R3HDM1: variants seen among roughly 807,000 people sequenced by gnomAD.
R3HDM1 encodes the protein R3H domain containing 1.
In R3HDM1, 46 loss-of-function variants were observed where a neutral mutation model predicts 141.1. That is an observed-to-expected ratio of 0.33 (90% CI 0.26 to 0.42). R3HDM1 has a LOEUF of 0.42. R3HDM1 is among the 10% of genes least tolerant of loss of function. R3HDM1 has a pLI of 1.00. For missense variants in R3HDM1, 1,184 were observed against 1,368.3 expected (o/e 0.87, Z 2.12); for synonymous variants, 435 against 472.9 (o/e 0.92, Z 1.04).
intron 1 of R3HDM1, among the ~76,000 whole-genome samples, chr2:135,587,932 C>A (rs981810636): frequency 2.0e-5 from 3 of 151,956 alleles, no homozygotes; most frequent in African/African-American, 7.3e-5. Flanking sequence ...CCCCCTCTCC[C>A]TCTACATTTG....
chr2:135,536,564 A>T (rs1012681386), intron 1 of R3HDM1: 9 of 921,268 alleles, frequency 9.8e-6, no homozygotes, highest in Non-Finnish European at 1.2e-5. Context: ...GAGAAAATAA[A>T]CTACATTTGT....
intron 9 of R3HDM1, among the ~76,000 whole-genome samples, chr2:135,635,374 A>G (rs1325205991): frequency 6.6e-6 from 1 of 152,156 alleles, no homozygotes; most frequent in Non-Finnish European, 1.5e-5. Flanking sequence ...AGCTCCAACT[A>G]TGGCTTAATC....
At chr2:135,606,617 G>A (rs1480958020) in intron 3 of R3HDM1, 1 of 151,590 alleles carries the variant, frequency 6.6e-6, no homozygotes, top group Admixed American at 6.6e-5. Flanking sequence ...CAAAAAATTA[G>A]CCAGGCATGG....
intron 21 of R3HDM1, among the ~76,000 whole-genome samples, chr2:135,700,611 C>A (rs2105408356): frequency 6.6e-6 from 1 of 152,304 alleles, no homozygotes; most frequent in African/African-American, 2.4e-5. Flanking sequence ...TTCTAGTAGT[C>A]ACTAAAAGCT....
At chr2:135,619,021 CAAA>C (rs34537777) in intron 5 of R3HDM1, among the ~76,000 whole-genome samples, 7 of 112,246 alleles carry the variant, frequency 6.2e-5, no homozygotes, top group Admixed American at 1.9e-4. Context: ...ACTCTTATCT[CAAA>C]AAAAAAAAAA....
chr2:135,573,610 AG>A (rs955404379), intron 1 of R3HDM1, among the ~76,000 whole-genome samples: 3 of 152,092 alleles, frequency 2.0e-5, no homozygotes, highest in African/African-American at 7.2e-5. Flanking sequence ...TACAATCTGA[AG>A]AGGCAGTCTT....
chr2:135,566,821 A>C, intron 1 of R3HDM1: 1 of 954,296 alleles, frequency 1.0e-6, no homozygotes, highest in Non-Finnish European at 1.2e-6. Flanking sequence ...AAAAATACGA[A>C]AATTAGCCAG....
chr2:135,535,426 G>T (rs1316376616), intron 1 of R3HDM1, among the ~76,000 whole-genome samples: 1 of 151,930 alleles, frequency 6.6e-6, no homozygotes. Flanking sequence ...TTGAACTCAG[G>T]AGGTGGAGGT....
At chr2:135,705,711 A>AT (rs573813934) in intron 21 of R3HDM1, among the ~76,000 whole-genome samples, 494 of 152,222 alleles carry the variant, frequency 3.2e-3, no homozygotes, top group African/African-American at 9.8e-3. Context: ...TATATTTGTC[A>AT]TTTTTTTTAT....
chr2:135,585,653 T>G (rs1185797854), intron 1 of R3HDM1, among the ~76,000 whole-genome samples: 1 of 152,362 alleles, frequency 6.6e-6, no homozygotes, highest in East Asian at 1.9e-4. Flanking sequence ...CTTATAATTA[T>G]TAAACATTGT....
At chr2:135,662,554 T>C (rs1387782765) in intron 19 of R3HDM1, among the ~76,000 whole-genome samples, 2 of 152,224 alleles carry the variant, frequency 1.3e-5, no homozygotes, top group African/African-American at 4.8e-5. Context: ...AGCCTTGTAT[T>C]GTACATGTGA....
intron 1 of R3HDM1, among the ~76,000 whole-genome samples, chr2:135,542,348 A>G (rs1697781189): frequency 6.6e-6 from 1 of 152,234 alleles, no homozygotes. Flanking sequence ...ATTTTTACTA[A>G]GCCATGTTCA....
At chr2:135,650,334 A>G in intron 17 of R3HDM1, 1 of 985,278 alleles carries the variant, frequency 1.0e-6, no homozygotes. Flanking sequence ...GGCAGCTTTC[A>G]TCTGGGTTTA....
At chr2:135,636,866 T>A (rs2063316237) in intron 11 of R3HDM1, among the ~76,000 whole-genome samples, 1 of 152,080 alleles carries the variant, frequency 6.6e-6, no homozygotes, top group South Asian at 2.1e-4. Flanking sequence ...TTCAACAAAT[T>A]TTATTGAGCA....
intron 7 of R3HDM1, among the ~76,000 whole-genome samples, chr2:135,625,188 G>A (rs2061884051): frequency 6.6e-6 from 1 of 152,198 alleles, no homozygotes; most frequent in African/African-American, 2.4e-5. Flanking sequence ...AATGATTCAT[G>A]CCGGTAATCC....
chr2:135,555,676 T>G (rs1380504575), intron 1 of R3HDM1, among the ~76,000 whole-genome samples: 1 of 152,200 alleles, frequency 6.6e-6, no homozygotes, highest in Non-Finnish European at 1.5e-5. Context: ...GTCCGTCAAC[T>G]GATGAATGGA....
chr2:135,577,635 C>T (rs185637305), intron 1 of R3HDM1, among the ~76,000 whole-genome samples: 2 of 151,696 alleles, frequency 1.3e-5, no homozygotes, highest in Admixed American at 6.6e-5. Flanking sequence ...TTCTCAACCT[C>T]GAGACCAGCC....
At chr2:135,578,297 G>A (rs971926311) in intron 1 of R3HDM1, among the ~76,000 whole-genome samples, 4 of 152,140 alleles carry the variant, frequency 2.6e-5, no homozygotes, top group Admixed American at 2.6e-4. Flanking sequence ...GGAAATACAG[G>A]CACAGATGTC....
chr2:135,558,939 TAATTTAAAAAGTTTAA>T, intron 1 of R3HDM1: 1 of 857,990 alleles, frequency 1.2e-6, no homozygotes, highest in South Asian at 5.4e-5. Context: ...AGTCAAAATG[TAATTTAAAAAGTTTAA>T]AGGGTTACTA....
Sources: gnomAD v4.1 joint callset for allele counts (sites outside exome capture counted in the v4.1 genomes callset) on GRCh38, gnomAD v4.1.1 for gene constraint, MANE v1.5 for transcripts, NCBI Gene and HGNC (gene_info 2026-07-23, HGNC 2026-07-21) for gene names.